SYNE1: variants seen among roughly 807,000 people sequenced by gnomAD.
The protein encoded by SYNE1 is nesprin-1.
A neutral mutation model predicts 1,111.0 loss-of-function variants in SYNE1; 616 were observed. The ratio of observed to expected loss-of-function variants is 0.55; its 90% CI spans 0.52 to 0.59. The LOEUF (loss-of-function observed/expected upper bound fraction) is 0.59. SYNE1 is among the 20% of genes least tolerant of loss of function. The pLI, the probability that SYNE1 is intolerant of heterozygous loss-of-function variation, is 0.00. For synonymous variants in SYNE1, 3,855 were observed against 3,825.8 expected (o/e 1.01, Z -0.28); for missense variants, 10,006 against 10,417.0 (o/e 0.96, Z 1.72).
chr6:152,473,119 C>T (rs534256500), intron 14 of SYNE1, among the ~76,000 whole-genome samples: 4 of 152,220 alleles, frequency 2.6e-5, no homozygotes, highest in African/African-American at 9.6e-5. Context: ...AAACTAATTT[C>T]TAAAAAGATG....
rs543932632 is a variant in SYNE1, at chr6:152,427,736, G to C, written c.5057C>G (p.Ser1686Cys). The change falls in exon 38 of 146, where the codon TCT becomes TGT. Residue 1686 changes from serine to cysteine, a missense_variant. By Grantham distance (112) the Ser-to-Cys change is moderately radical. This residue lies in a region of SYNE1 where 1,971 missense variants were observed against 2,084.1 expected (regional missense o/e 0.95). Coordinates refer to ENST00000367255, the MANE Select transcript of SYNE1 (RefSeq NM_182961.4). ...AKASSPEMDI[S>C]ADRVKVEGEL... is the part of the protein sequence containing the mutation. Reference sequence around the variant, plus strand: ...ACCTTCCACTTTGACTCTGTCTGCAGAAATGTCCATTTCTGGGGAACTGGC... The same window carrying C: ...ACCTTCCACTTTGACTCTGTCTGCACAAATGTCCATTTCTGGGGAACTGGC... 1.2e-6 allele frequency: 2 copies of C among 1,614,134 alleles called. 1 individual carries two copies. The highest frequency in any genetic ancestry group is 2.2e-5 in the South Asian group (2 of 91,086).
At chr6:152,275,703 G>A (rs1034985719) in intron 98 of SYNE1, among the ~76,000 whole-genome samples, 1 of 150,720 alleles carries the variant, frequency 6.6e-6, no homozygotes, top group Non-Finnish European at 1.5e-5. Context: ...AACATTGAGA[G>A]ACCTCCATCT....
intron 46 of SYNE1, among the ~76,000 whole-genome samples, chr6:152,403,868 T>C (rs1009615725): frequency 6.6e-6 from 1 of 152,074 alleles, no homozygotes. Flanking sequence ...TATTATAATA[T>C]TCGAGTTGGA....
At position 152,381,279 on chromosome 6, in the gene SYNE1, AGTT is replaced by A. The variant is rs2097408955; in HGVS notation, c.8733_8735del (p.Thr2912del). On this transcript the variant is annotated inframe_deletion, in exon 56 of 146. Coordinates refer to ENST00000367255, the MANE Select transcript of SYNE1 (RefSeq NM_182961.4). ...TGTGCATGAGCTCACACCCACTGGC[AGTT>A]GTGTTCTGTTTCACTTCGGGAGCCA... 6.2e-7 allele frequency: 1 copy of A among 1,613,946 alleles called. No homozygotes were observed. Among genetic ancestry groups the A allele is most frequent in the Admixed American group, 1.7e-5 (1 of 59,996 alleles).
At chr6:152,612,281 TCAAA>T (rs941687659) in intron 3 of SYNE1, among the ~76,000 whole-genome samples, 29 of 151,312 alleles carry the variant, frequency 1.9e-4, no homozygotes, top group Middle Eastern at 3.4e-3. Flanking sequence ...GAGATAAGAA[TCAAA>T]CAGATGCAAT....
chr6:152,346,230 G>A (rs561698329), intron 73 of SYNE1, among the ~76,000 whole-genome samples: 51 of 152,100 alleles, frequency 3.4e-4, no homozygotes, highest in South Asian at 1.2e-3. Flanking sequence ...GCAGTGGCGC[G>A]ATCTCGGCTC....
At chr6:152,506,392 A>C (rs965421817) in intron 8 of SYNE1, among the ~76,000 whole-genome samples, 1 of 152,194 alleles carries the variant, frequency 6.6e-6, no homozygotes, top group South Asian at 2.1e-4. Context: ...AGTTAGTCTC[A>C]TTAACCTTAG....
chr6:152,370,135 TC>T (rs1260983912), intron 59 of SYNE1, among the ~76,000 whole-genome samples: 3 of 151,924 alleles, frequency 2.0e-5, no homozygotes, highest in African/African-American at 7.3e-5. Context: ...ATAGAATTTT[TC>T]CCCCCTAACT....
chr6:152,148,120 T>C lies in SYNE1; in HGVS notation c.24901A>G (p.Arg8301Gly), dbSNP rs751025387. 6.2e-7 allele frequency: 1 copy of C among 1,614,214 alleles called. No homozygotes were observed. The highest frequency in any genetic ancestry group is 1.1e-5 in the South Asian group (1 of 91,086). Residue 8301 changes from arginine (R) to glycine (G), a missense_variant, in exon 137 of 146, where the codon AGA becomes GGA. This residue lies in a region of SYNE1 where 761 missense variants were observed against 795.5 expected (regional missense o/e 0.96). Coordinates refer to ENST00000367255, the MANE Select transcript of SYNE1 (RefSeq NM_182961.4). This position sits in a 1 kb window ranked among gnomAD's most constrained non-coding sequence, Gnocchi z 4.1. ...LSRDLESAMS[R>G]ALPSEDEEGQ... ...TCTTCATCCTCAGAGGGCAGAGCTCTGGACATTGCAGACTCCAGGTCCCGA... is the reference window on the plus strand; with the variant it reads ...TCTTCATCCTCAGAGGGCAGAGCTCCGGACATTGCAGACTCCAGGTCCCGA...
In SYNE1 at chr6:152,387,156, G is replaced by A. The variant is rs757104773; in HGVS notation, c.8403C>T (p.Tyr2801=). The change falls in exon 54 of 146, where the codon TAC becomes TAT. Residue 2801 remains tyrosine (Y), a synonymous_variant. Transcript: ENST00000367255. The part of the protein sequence containing the change: ...HRLIAKSREL[Y]EKTEDESFKD... ...TGAAAGACTCATCCTCTGTCTTTTCGTAGAGCTCCCTGGACTTCGCAATTA... is the reference window on the plus strand; with the variant it reads ...TGAAAGACTCATCCTCTGTCTTTTCATAGAGCTCCCTGGACTTCGCAATTA... The A allele has an allele frequency of 8.8e-5, 142 of 1,613,964 alleles. No homozygotes were observed. The highest frequency in any genetic ancestry group is 4.7e-4 in the South Asian group (43 of 91,086).
chr6:152,245,132 G>C (rs1352856069), intron 105 of SYNE1, among the ~76,000 whole-genome samples: 1 of 152,176 alleles, frequency 6.6e-6, no homozygotes, highest in African/African-American at 2.4e-5. Context: ...TGTGCTCCTT[G>C]TTGTGAAGTG....
intron 3 of SYNE1, among the ~76,000 whole-genome samples, chr6:152,607,150 A>C (rs1399837710): frequency 1.4e-5 from 2 of 142,876 alleles, no homozygotes; most frequent in Admixed American, 7.0e-5. Context: ...ACGCCTGGCT[A>C]ATTTTTTGTA....
Position 152,140,000 on chromosome 6 carries a change from C to T in SYNE1, c.25408G>A (p.Glu8470Lys). ...ATGGTCTGGATGTCAGTGCTGAGTT[C>T]CAGACGCTGGAGCTGTTCCAACTCC... ...EEELEQLQRL[E>K]LSTDIQTIEL... Residue 8470 changes from glutamate (E) to lysine (K), a missense_variant, in exon 140 of 146, where the codon GAA becomes AAA. Around this residue, in one of 7 missense-constraint regions of SYNE1, gnomAD observed 761 missense variants for 795.5 expected, o/e 0.96. Transcript: ENST00000367255. 6.2e-7 allele frequency: 1 copy of T among 1,614,086 alleles called. No homozygotes were observed. Among genetic ancestry groups the T allele is most frequent in the Non-Finnish European group, 8.5e-7 (1 of 1,180,032 alleles).
intron 54 of SYNE1, among the ~76,000 whole-genome samples, chr6:152,386,240 A>G (rs1012713641): frequency 2.0e-5 from 3 of 152,152 alleles, no homozygotes; most frequent in Admixed American, 6.5e-5. Flanking sequence ...TCCTGTGAGG[A>G]AGATACTATT....
chr6:152,482,980 A>T, intron 14 of SYNE1, 105 bp downstream of exon 14: 1 of 1,271,968 alleles, frequency 7.9e-7, no homozygotes, highest in Non-Finnish European at 1.1e-6. Context: ...GATCATGTAG[A>T]ATTAATATTT....
rs185280813 is a variant in SYNE1 at position 152,307,097 on chromosome 6, T to C, written c.17346+1392A>G. 1.6e-4 allele frequency among the ~76,000 whole-genome samples: 25 copies of C among 152,286 alleles called. No individual in the cohort carries two copies. In the East Asian group the frequency reaches 4.6e-3, roughly 28 times the overall value. ...AAATCGTTTCAAAATAAATATGTAA[T>C]ATATAGTCTAACATATAGACCTACA... is the stretch of plus-strand genomic sequence containing the variant. On this transcript the variant is annotated intron_variant, in intron 91 of 145. Transcript: ENST00000367255.
chr6:152,379,858 G>A, intron 56 of SYNE1, among the ~76,000 whole-genome samples: 1 of 152,136 alleles, frequency 6.6e-6, no homozygotes, highest in South Asian at 2.1e-4. Context: ...ATGTAATCTA[G>A]GCACAGCCAA....
Position 152,365,755 on chromosome 6 carries a change from C to T in SYNE1, c.9973-736G>A, listed in dbSNP as rs200984139. Among the ~76,000 whole-genome samples the T allele has an allele frequency of 1.5e-4, 23 of 152,182 alleles. No homozygotes were observed. The East Asian group carries it at 3.7e-3, about 24-fold the overall frequency. On this transcript the variant is annotated intron_variant, in intron 62 of 145. Transcript: ENST00000367255. Reference sequence around the variant, plus strand: ...GATTGTAAGTGTAAGCCACTGCGCCCGGCCAGAAGGAAGTTTTAATTCCAA... The same window carrying T: ...GATTGTAAGTGTAAGCCACTGCGCCTGGCCAGAAGGAAGTTTTAATTCCAA...
intron 39 of SYNE1, among the ~76,000 whole-genome samples, chr6:152,421,671 TTTTATTTATTTATTTA>T (rs377235444): frequency 8.3e-5 from 12 of 145,394 alleles, no homozygotes; most frequent in South Asian, 2.2e-4. Context: ...ATTTTCCTTA[TTTTATTTATTTATTTA>T]TTTATTTATT....
Sources: allele counts gnomAD v4.1 joint callset (sites outside exome capture counted in the v4.1 genomes callset), GRCh38; gene constraint gnomAD v4.1.1; regional missense constraint gnomAD v4.1.1; non-coding constraint Gnocchi (gnomAD v3.1); transcripts MANE v1.5; gene names NCBI Gene and HGNC (gene_info 2026-07-23, HGNC 2026-07-21).